SAMD12: variants seen among roughly 807,000 people sequenced by gnomAD.
SAMD12 encodes the protein sterile alpha motif domain containing 12.
In SAMD12, 9 loss-of-function variants were observed where a neutral mutation model predicts 15.0. The ratio of observed to expected loss-of-function variants is 0.60; its 90% CI spans 0.36 to 1.05. SAMD12 has a LOEUF of 1.05. Ranked by LOEUF, SAMD12 falls within the 50% of genes least tolerant of loss-of-function variation. SAMD12 has a pLI of 0.01. For synonymous variants in SAMD12, 86 were observed against 90.1 expected (o/e 0.96, Z 0.25); for missense variants, 230 against 234.2 (o/e 0.98, Z 0.12).
At chr8:118,321,650 A>G (rs1314543867) in intron 4 of SAMD12, among the ~76,000 whole-genome samples, 1 of 152,076 alleles carries the variant, frequency 6.6e-6, no homozygotes, top group Non-Finnish European at 1.5e-5. Context: ...GTTCGTAGAT[A>G]GTGGAAGGTT....
intron 1 of SAMD12, among the ~76,000 whole-genome samples, chr8:118,610,311 C>T (rs189591009): frequency 5.0e-4 from 76 of 152,268 alleles, no homozygotes; most frequent in African/African-American, 1.8e-3. Context: ...TATTATAATG[C>T]TGTTTTTCTT....
At chr8:118,184,538 C>T (rs900580291), downstream of SAMD12, among the ~76,000 whole-genome samples, 1 of 152,280 alleles carries the variant, frequency 6.6e-6, no homozygotes, top group East Asian at 1.9e-4. Flanking sequence ...CTCTATCACC[C>T]AGGCTGGAGT....
chr8:118,524,846 T>G (rs1393968348), intron 2 of SAMD12, among the ~76,000 whole-genome samples: 7 of 152,300 alleles, frequency 4.6e-5, no homozygotes, highest in African/African-American at 1.7e-4. Flanking sequence ...CCTCCTACAC[T>G]GCCATACTGG....
intron 3 of SAMD12, among the ~76,000 whole-genome samples, chr8:118,437,540 A>G: frequency 6.6e-6 from 1 of 152,166 alleles, no homozygotes; most frequent in East Asian, 1.9e-4. Flanking sequence ...ATATTATTTC[A>G]TTTAATTTTC....
chr8:118,262,108 G>A (rs1445505742), intron 4 of SAMD12, among the ~76,000 whole-genome samples: 1 of 152,030 alleles, frequency 6.6e-6, no homozygotes, highest in Non-Finnish European at 1.5e-5. Context: ...TGACTCAGAA[G>A]TCACAGGCTG....
chr8:118,168,922 C>T, the SAMD12 span, among the ~76,000 whole-genome samples: 5 of 152,132 alleles, frequency 3.3e-5, no homozygotes, highest in African/African-American at 1.2e-4. Context: ...TCAAACACAT[C>T]AATGACCCTA....
At chr8:118,457,624 GC>G (rs1266886345) in intron 2 of SAMD12, among the ~76,000 whole-genome samples, 1 of 152,136 alleles carries the variant, frequency 6.6e-6, no homozygotes, top group Non-Finnish European at 1.5e-5. Context: ...CCACAGGAAA[GC>G]AAAAATGTGT....
chr8:118,161,332 C>T, the SAMD12 span, among the ~76,000 whole-genome samples: 7 of 152,134 alleles, frequency 4.6e-5, no homozygotes, highest in South Asian at 1.5e-3. Flanking sequence ...GCCTATAATC[C>T]CAGCACTTTG....
intron 4 of SAMD12, among the ~76,000 whole-genome samples, chr8:118,247,178 T>A (rs576958097): frequency 1.3e-5 from 2 of 152,178 alleles, no homozygotes; most frequent in East Asian, 3.9e-4. Flanking sequence ...TATTGCATGA[T>A]CTCACTTATA....
intron 2 of SAMD12, among the ~76,000 whole-genome samples, chr8:118,534,350 A>C (rs1825778092): frequency 6.6e-6 from 1 of 152,094 alleles, no homozygotes. Flanking sequence ...GGGTAACCCG[A>C]CCTTGCTCTC....
At position 118,439,862 on chromosome 8, in the gene SAMD12, T is replaced by A; in HGVS notation, c.292A>T (p.Ser98Cys). The change falls in exon 3 of 4, where the codon AGT becomes TGT. Residue 98 changes from serine to cysteine, a missense_variant. Coordinates refer to ENST00000314727, the MANE Select transcript of SAMD12 (RefSeq NM_207506.3). ...KHCPNQYQIY[S>C]ESFKQHDITG... ...ATGTCATGCTGTTTGAATGACTCAC[T>A]GTAGATCTGATACTGATTCGGACAA... is the stretch of plus-strand genomic sequence containing the variant. 1.9e-6 allele frequency: 3 copies of A among 1,613,614 alleles called. No homozygotes were observed. Among genetic ancestry groups the A allele is most frequent in the Non-Finnish European group, 2.5e-6 (3 of 1,179,554 alleles).
chr8:118,517,352 G>T (rs535906926), intron 2 of SAMD12, among the ~76,000 whole-genome samples: 1 of 152,262 alleles, frequency 6.6e-6, no homozygotes, highest in South Asian at 2.1e-4. Context: ...TTATTTTACT[G>T]CTCTATACCT....
chr8:118,327,572 A>C (rs1020086450), intron 4 of SAMD12, among the ~76,000 whole-genome samples: 1 of 152,222 alleles, frequency 6.6e-6, no homozygotes, highest in African/African-American at 2.4e-5. Context: ...GATGATGGGA[A>C]ATCAAGTGAA....
intron 4 of SAMD12, among the ~76,000 whole-genome samples, chr8:118,214,197 T>C (rs1463925173): frequency 6.6e-6 from 1 of 152,232 alleles, no homozygotes; most frequent in Non-Finnish European, 1.5e-5. Flanking sequence ...AGAAACAGAA[T>C]ATCGTGTCGA....
intron 2 of SAMD12, among the ~76,000 whole-genome samples, chr8:118,446,492 C>T (rs779645073): frequency 6.6e-6 from 1 of 152,124 alleles, no homozygotes; most frequent in African/African-American, 2.4e-5. Context: ...AAATGTCAAT[C>T]TCCTAATTTA....
chr8:118,333,992 T>A (rs1816935336), intron 4 of SAMD12, among the ~76,000 whole-genome samples: 1 of 151,672 alleles, frequency 6.6e-6, no homozygotes, highest in Non-Finnish European at 1.5e-5. Context: ...TGTGTGTGTG[T>A]GTGGGAGGGG....
At chr8:118,615,001 A>C (rs1356192199) in intron 1 of SAMD12, among the ~76,000 whole-genome samples, 4 of 152,194 alleles carry the variant, frequency 2.6e-5, no homozygotes, top group Non-Finnish European at 5.9e-5. Flanking sequence ...GCAAGATCCA[A>C]CTGGACTGTG....
At chr8:118,587,375 C>G (rs1261533721) in intron 1 of SAMD12, among the ~76,000 whole-genome samples, 7 of 152,230 alleles carry the variant, frequency 4.6e-5, no homozygotes, top group African/African-American at 1.7e-4. Context: ...GTGAACATCA[C>G]AAAAAGTCTG....
chr8:118,387,936 C>A (rs1365041271), intron 3 of SAMD12, among the ~76,000 whole-genome samples: 1 of 152,132 alleles, frequency 6.6e-6, no homozygotes, highest in Admixed American at 6.6e-5. Flanking sequence ...CAAACAGATT[C>A]ATAGACTGTA....
Sources: allele counts gnomAD v4.1 joint callset (sites outside exome capture counted in the v4.1 genomes callset), GRCh38; gene constraint gnomAD v4.1.1; transcripts MANE v1.5; gene names NCBI Gene and HGNC (gene_info 2026-07-23, HGNC 2026-07-21).